The following WDFY4 variants were observed in gnomAD, a reference collection of about 807,000 sequenced individuals.
WDFY4 encodes WDFY family member 4.
WDFY4 carries 169 observed loss-of-function variants against 351.9 expected under a neutral mutation model. The observed-to-expected ratio is 0.48, with a 90% CI of 0.42 to 0.55. The LOEUF (loss-of-function observed/expected upper bound fraction) is 0.55. Among genes scored for constraint, WDFY4 ranks in the 20% least tolerant of loss-of-function variants. WDFY4 has a pLI of 0.00. For missense variants in WDFY4, 3,803 were observed against 3,935.6 expected (o/e 0.97, Z 0.90); for synonymous variants, 1,622 against 1,574.6 (o/e 1.03, Z -0.71).
chr10:48,725,008 G>T (rs1314421031), intron 5 of WDFY4, among the ~76,000 whole-genome samples: 1 of 152,192 alleles, frequency 6.6e-6, no homozygotes, highest in Admixed American at 6.5e-5. Flanking sequence ...AGAGCTGAGG[G>T]TTGTCAGGGT....
intron 46 of WDFY4, among the ~76,000 whole-genome samples, chr10:48,901,283 A>G (rs1837338764): frequency 6.6e-6 from 1 of 152,282 alleles, no homozygotes; most frequent in African/African-American, 2.4e-5. Flanking sequence ...CCAAACAAGC[A>G]GACATACAAC....
chr10:48,796,544 C>T (rs1441688074), intron 24 of WDFY4, 94 bp downstream of exon 24: 3 of 1,452,374 alleles, frequency 2.1e-6, no homozygotes, highest in Admixed American at 2.3e-5. Flanking sequence ...ATGTCAGCTT[C>T]CCTCATAGTC....
intron 44 of WDFY4, among the ~76,000 whole-genome samples, chr10:48,896,388 G>A (rs1029758901): frequency 6.6e-6 from 1 of 152,162 alleles, no homozygotes; most frequent in African/African-American, 2.4e-5. Context: ...AGATGTTTAG[G>A]GGCAGCTCAG....
At chr10:48,718,577 G>A (rs1871610) in intron 2 of WDFY4, among the ~76,000 whole-genome samples, 40,377 of 152,136 alleles carry the variant, frequency 0.27, 6,140 homozygotes, top group East Asian at 0.64. Context: ...GGCCACGGAT[G>A]CCCGGAATGT....
chr10:48,817,579 T>C (rs952411738), intron 32 of WDFY4, among the ~76,000 whole-genome samples, 170 bp downstream of exon 32: 1 of 152,264 alleles, frequency 6.6e-6, no homozygotes, highest in African/African-American at 2.4e-5. Context: ...TTGGCTGAGA[T>C]ACACCTTGAG....
chr10:48,952,146 G>A (rs1158934449), intron 51 of WDFY4, among the ~76,000 whole-genome samples: 1 of 152,200 alleles, frequency 6.6e-6, no homozygotes, highest in Non-Finnish European at 1.5e-5. Context: ...ATTCTTGGTG[G>A]AGCGTGTGCC....
intron 13 of WDFY4, among the ~76,000 whole-genome samples, chr10:48,767,609 C>T (rs373562540): frequency 2.6e-5 from 4 of 152,208 alleles, no homozygotes; most frequent in South Asian, 4.1e-4. Flanking sequence ...GGCAGTTAGT[C>T]ATCAGATGTT....
intron 47 of WDFY4, chr10:48,913,449 A>G (rs371122787): frequency 3.2e-5 from 52 of 1,613,142 alleles, no homozygotes; most frequent in Admixed American, 2.0e-4. Context: ...ATTGGGAAAG[A>G]TGGTCTTTCT....
chr10:48,781,897 T>C (rs982530130), intron 19 of WDFY4, among the ~76,000 whole-genome samples: 1 of 152,212 alleles, frequency 6.6e-6, no homozygotes, highest in African/African-American at 2.4e-5. Context: ...AACATACATA[T>C]AGTATAAAAT....
chr10:48,859,546 A>G (rs1041967258), intron 39 of WDFY4, among the ~76,000 whole-genome samples: 1 of 152,126 alleles, frequency 6.6e-6, no homozygotes, highest in Admixed American at 6.5e-5. Flanking sequence ...TATTTGTCAG[A>G]TTTGCATTCC....
At chr10:48,949,930 C>T (rs1455674841) in intron 51 of WDFY4, among the ~76,000 whole-genome samples, 5 of 152,080 alleles carry the variant, frequency 3.3e-5, no homozygotes, top group African/African-American at 9.7e-5. Flanking sequence ...AAGGCCTTTC[C>T]GTAACAGCTC....
chr10:48,887,472 TCTG>T (rs1232421160), intron 43 of WDFY4, among the ~76,000 whole-genome samples: 1 of 152,214 alleles, frequency 6.6e-6, no homozygotes, highest in Non-Finnish European at 1.5e-5. Flanking sequence ...GACCTGCAAT[TCTG>T]CTTATAGAAA....
chr10:48,804,379 A>G (rs1456990090), intron 25 of WDFY4, among the ~76,000 whole-genome samples: 3 of 152,194 alleles, frequency 2.0e-5, no homozygotes, highest in Non-Finnish European at 4.4e-5. Context: ...GAGAATACAG[A>G]AAAACATGTT....
intron 47 of WDFY4, among the ~76,000 whole-genome samples, chr10:48,928,531 G>A (rs1288445760): frequency 6.6e-6 from 1 of 152,138 alleles, no homozygotes; most frequent in Non-Finnish European, 1.5e-5. Flanking sequence ...TATGGACCGT[G>A]ACCCCTGCCT....
intron 1 of WDFY4, among the ~76,000 whole-genome samples, chr10:48,702,730 GT>G (rs1254356734): frequency 1.3e-5 from 2 of 152,214 alleles, no homozygotes; most frequent in East Asian, 1.9e-4. Context: ...AGGAGCATAA[GT>G]TTTCATTTCT....
chr10:48,974,523 A>ACAAAC (rs1842473641), intron 57 of WDFY4, among the ~76,000 whole-genome samples: 1 of 28,614 alleles, frequency 3.5e-5, no homozygotes, highest in Non-Finnish European at 1.9e-4. Context: ...AAAAAAAAAA[A>ACAAAC]AAAAAACAAC....
Position 48,787,879 on chromosome 10 carries a change from TTTCTTCTTCTTCTCCTTCTTCTTCTTC to T in WDFY4, c.3809-637_3809-611del, listed in dbSNP as rs1223930450. Among the ~76,000 whole-genome samples the T allele has an allele frequency of 8.4e-3, 876 of 104,386 alleles. 60 individuals carry two copies. Among genetic ancestry groups the T allele is most frequent in the Middle Eastern group, 0.013 (3 of 234 alleles). The allele number at this position is 104,386 out of a possible 152,430, so 68.5% of individuals were successfully genotyped here. On this transcript the variant is annotated intron_variant, in intron 20 of 61. Coordinates refer to ENST00000325239, the MANE Select transcript of WDFY4 (RefSeq NM_001394531.1). ...CTTCTTTCTTCTTCTTTCTTCTTTC[TTTCTTCTTCTTCTCCTTCTTCTTCTTC>T]TTCTTCTTCTTCTTCTTCTTCTTCT... is the stretch of plus-strand genomic sequence containing the variant.
chr10:48,777,394 A>T (rs1405385765), intron 16 of WDFY4, 25 bp from the exon 17 acceptor site: 1 of 1,549,572 alleles, frequency 6.5e-7, no homozygotes, highest in Non-Finnish European at 8.7e-7. Flanking sequence ...CAGTCCAATG[A>T]TCTGAGACAA....
chr10:48,938,043 C>T (rs1217536006), intron 47 of WDFY4, among the ~76,000 whole-genome samples: 1 of 152,270 alleles, frequency 6.6e-6, no homozygotes, highest in African/African-American at 2.4e-5. Context: ...AGCCCACACG[C>T]ATCAGCAGGC....
Sources: allele counts gnomAD v4.1 joint callset (sites outside exome capture counted in the v4.1 genomes callset), GRCh38; gene constraint gnomAD v4.1.1; transcripts MANE v1.5; gene names NCBI Gene and HGNC (gene_info 2026-07-23, HGNC 2026-07-21).